The following ADAMTS12 variants were observed in gnomAD, a reference collection of about 807,000 sequenced individuals.
The protein encoded by ADAMTS12 is A disintegrin and metalloproteinase with thrombospondin motifs 12.
In ADAMTS12, 118 loss-of-function variants were observed where a neutral mutation model predicts 167.8. That is an observed-to-expected ratio of 0.70 (90% CI 0.61 to 0.82). The LOEUF is 0.82. Among genes scored for constraint, ADAMTS12 ranks in the 40% least tolerant of loss-of-function variants. ADAMTS12 has a pLI of 0.00. For synonymous variants in ADAMTS12, 704 were observed against 716.9 expected (o/e 0.98, Z 0.29); for missense variants, 1,916 against 1,998.8 (o/e 0.96, Z 0.79).
chr5:33,718,328 A>C (rs1310766332), intron 3 of ADAMTS12, among the ~76,000 whole-genome samples: 1 of 152,174 alleles, frequency 6.6e-6, no homozygotes, highest in Admixed American at 6.5e-5. Context: ...ATGGACCAGA[A>C]TGGTCCATGG....
intron 3 of ADAMTS12, among the ~76,000 whole-genome samples, chr5:33,735,654 T>C (rs1744344756): frequency 6.6e-6 from 1 of 152,138 alleles, no homozygotes; most frequent in Non-Finnish European, 1.5e-5. Context: ...CCACAACTGT[T>C]TTCTTGCTTT....
In ADAMTS12 at chr5:33,822,191, T is replaced by A. The variant is rs181502205; in HGVS notation, c.489+58928A>T. On this transcript the variant is annotated intron_variant, in intron 2 of 23. Coordinates refer to ENST00000504830, the MANE Select transcript of ADAMTS12 (RefSeq NM_030955.4). ...CTCCCTTCCATGCTGGGGAAATGCC[T>A]TAAATCCTGATTTCTTTTATTTTAA... Among the ~76,000 whole-genome samples, 8 of 152,304 alleles carry A rather than the reference T, an allele frequency of 5.3e-5. No individual in the cohort carries two copies. In the East Asian group the frequency reaches 1.3e-3, roughly 26 times the overall value.
intron 2 of ADAMTS12, among the ~76,000 whole-genome samples, chr5:33,782,687 A>G (rs939864327): frequency 2.0e-5 from 3 of 152,086 alleles, no homozygotes; most frequent in Admixed American, 2.0e-4. Context: ...TATCAGAGAA[A>G]AATTGAGACA....
At chr5:33,574,368 T>C (rs868775388) in intron 19 of ADAMTS12, among the ~76,000 whole-genome samples, 21 of 151,870 alleles carry the variant, frequency 1.4e-4, no homozygotes, top group African/African-American at 3.6e-4. Context: ...CAATGATAGA[T>C]CGGATTAAGA....
chr5:33,849,321 A>ATATATATATATGTATTGCATAGC (rs1749100152), intron 2 of ADAMTS12, among the ~76,000 whole-genome samples: 1 of 82,246 alleles, frequency 1.2e-5, no homozygotes, highest in Non-Finnish European at 2.8e-5. Context: ...TTGCATAGCT[A>ATATATATATATGTATTGCATAGC]TATATATATG....
chr5:33,758,997 C>T (rs889793823), intron 2 of ADAMTS12, among the ~76,000 whole-genome samples: 7 of 152,150 alleles, frequency 4.6e-5, no homozygotes, highest in Admixed American at 2.0e-4. Flanking sequence ...CCCCACTAAC[C>T]GAAGTAGAAC....
chr5:33,579,588 C>G (rs1038341176), intron 18 of ADAMTS12, among the ~76,000 whole-genome samples: 4 of 152,170 alleles, frequency 2.6e-5, no homozygotes, highest in African/African-American at 9.7e-5. Flanking sequence ...ATATCCCCTC[C>G]ACCTCCCCAT....
chr5:33,631,770 G>T (rs1739947650), intron 12 of ADAMTS12, among the ~76,000 whole-genome samples: 2 of 152,172 alleles, frequency 1.3e-5, no homozygotes, highest in African/African-American at 4.8e-5. Flanking sequence ...TGTAATGAAT[G>T]CTTTTCTTTA....
In ADAMTS12 at chr5:33,865,574, C is replaced by T. The variant is rs1374338298; in HGVS notation, c.489+15545G>A. Among the ~76,000 whole-genome samples, 3 of 152,258 alleles carry T rather than the reference C, an allele frequency of 2.0e-5. No individual in the cohort carries two copies. In the East Asian group the frequency reaches 5.8e-4, roughly 29 times the overall value. ...AAATGGAACAAGACAAGGATGTTCA[C>T]TTTCACCACTTCCATTCAACATACT... is the stretch of plus-strand genomic sequence containing the variant. On this transcript the variant is annotated intron_variant, in intron 2 of 23. Coordinates refer to ENST00000504830, the MANE Select transcript of ADAMTS12 (RefSeq NM_030955.4).
chr5:33,632,787 T>C (rs916662524), intron 12 of ADAMTS12, among the ~76,000 whole-genome samples: 1 of 152,182 alleles, frequency 6.6e-6, no homozygotes, highest in African/African-American at 2.4e-5. Flanking sequence ...ATTTTGTATT[T>C]GGAATACATA....
At chr5:33,690,512 C>T (rs1037062161) in intron 3 of ADAMTS12, among the ~76,000 whole-genome samples, 2 of 151,742 alleles carry the variant, frequency 1.3e-5, no homozygotes, top group South Asian at 4.2e-4. Context: ...ATGGTCCTGC[C>T]TGACACTGCA....
At chr5:33,683,142 GATA>G (rs1454778612) in intron 4 of ADAMTS12, 41 bp from the exon 5 acceptor site, 1 of 1,439,048 alleles carries the variant, frequency 6.9e-7, no homozygotes, top group Non-Finnish European at 9.7e-7. Flanking sequence ...CACACGAAGA[GATA>G]ATAAATAAAT....
chr5:33,736,769 C>T lies in ADAMTS12; in HGVS notation c.634+14635G>A, dbSNP rs189262475. Among the ~76,000 whole-genome samples the T allele has an allele frequency of 3.5e-4, 53 of 152,254 alleles. 1 individual carries two copies. Among genetic ancestry groups the T allele is most frequent in the South Asian group, 2.3e-3 (11 of 4,824 alleles). ...AGTTATAGGGAGCATGACTCAGAAC[C>T]GGTCTCCATACTGTGATCTGCTGGG... On this transcript the variant is annotated intron_variant, in intron 3 of 23. Coordinates refer to ENST00000504830, the MANE Select transcript of ADAMTS12 (RefSeq NM_030955.4).
chr5:33,559,924 T>C (rs1389666892), intron 20 of ADAMTS12, among the ~76,000 whole-genome samples: 1 of 152,046 alleles, frequency 6.6e-6, no homozygotes, highest in East Asian at 1.9e-4. Context: ...GTGCAGGGAG[T>C]ACGCTTTTAA....
chr5:33,654,910 G>GTGTA (rs1427506611), intron 7 of ADAMTS12, among the ~76,000 whole-genome samples: 2 of 150,934 alleles, frequency 1.3e-5, no homozygotes, highest in African/African-American at 4.9e-5. Context: ...GTGTGTGTGT[G>GTGTA]TATTTCCAGG....
intron 7 of ADAMTS12, 44 bp from the exon 8 acceptor site, chr5:33,649,741 A>T: frequency 6.2e-7 from 1 of 1,602,666 alleles, no homozygotes; most frequent in Non-Finnish European, 8.5e-7. Flanking sequence ...GCAGGCAGGC[A>T]TTAAACAGGA....
intron 17 of ADAMTS12, 44 bp from the exon 18 acceptor site, chr5:33,588,853 G>T (rs777054940): frequency 1.9e-6 from 3 of 1,600,792 alleles, no homozygotes; most frequent in East Asian, 2.2e-5. Flanking sequence ...GCCAACTTAC[G>T]CATATGTTCC....
intron 2 of ADAMTS12, among the ~76,000 whole-genome samples, chr5:33,849,768 A>G (rs2111642012): frequency 6.7e-6 from 1 of 150,072 alleles, no homozygotes; most frequent in Non-Finnish European, 1.5e-5. Context: ...CTATATATGT[A>G]TTGCATAGCA....
At chr5:33,881,982 G>C (rs1284329327) in intron 1 of ADAMTS12, among the ~76,000 whole-genome samples, 1 of 152,034 alleles carries the variant, frequency 6.6e-6, no homozygotes, top group Non-Finnish European at 1.5e-5. Flanking sequence ...AATTTACCTA[G>C]TGCTTCCTCC....
Sources: gnomAD v4.1 joint callset for allele counts (sites outside exome capture counted in the v4.1 genomes callset) on GRCh38, gnomAD v4.1.1 for gene constraint, MANE v1.5 for transcripts, NCBI Gene and HGNC (gene_info 2026-07-23, HGNC 2026-07-21) for gene names.